Variants in BCAP31 observed in about 807,000 individuals in gnomAD.
The protein encoded by BCAP31 is B cell receptor associated protein 31.
For synonymous variants in BCAP31, 75 were observed against 80.9 expected (o/e 0.93, Z 0.39); for missense variants, 124 against 193.0 (o/e 0.64, Z 2.12).
intron 4 of BCAP31, chrX:153,705,420 C>T (rs2148372387): frequency 8.9e-6 from 1 of 112,879 alleles, no homozygotes; most frequent in East Asian, 2.8e-4. Flanking sequence ...CCTGGCAGCA[C>T]CAGGAGAGCC....
At chrX:153,724,133 C>CCCCCG (rs1227696710) in intron 1 of BCAP31, 1 of 264,661 alleles carries the variant, frequency 3.8e-6, no homozygotes, top group African/African-American at 2.9e-5. Context: ...GCTTCACCGC[C>CCCCCG]CCCCGCCCCG....
At chrX:153,723,003 A>C in intron 2 of BCAP31, 150 bp downstream of exon 2, 1 of 744,220 alleles carries the variant, frequency 1.3e-6, no homozygotes, top group South Asian at 3.0e-5. Context: ...TGGCAATAAC[A>C]AACACAACCC....
chrX:153,700,951 T>C lies in BCAP31; in HGVS notation c.727A>G (p.Lys243Glu), dbSNP rs142200858. The C allele has an allele frequency of 3.0e-5, 36 of 1,205,513 alleles. No homozygotes were observed. The highest frequency in any genetic ancestry group is 3.8e-5 in the Non-Finnish European group (34 of 893,293). Residue 243 changes from lysine to glutamate, a missense_variant, in exon 8 of 8, where the codon AAG becomes GAG. Lys to Glu is a moderately conservative substitution (Grantham distance 56). Coordinates refer to ENST00000345046, the MANE Select transcript of BCAP31 (RefSeq NM_001256447.2). ...LQAAVDGPMD[K>E]KEE ...GAAGGAGGCCCTTACTCTTCCTTCT[T>C]GTCCATGGGACCATCTACTGCAGCC...
At chrX:153,715,465 T>A in intron 4 of BCAP31, 77 bp downstream of exon 4, 3 of 1,142,915 alleles carry the variant, frequency 2.6e-6, no homozygotes, top group Non-Finnish European at 3.6e-6. Flanking sequence ...GGGGGGAGAC[T>A]GAGCCCACTG....
At chrX:153,716,625 T>G (rs1250628430) in intron 3 of BCAP31, among the ~76,000 whole-genome samples, 1 of 104,248 alleles carries the variant, frequency 9.6e-6, no homozygotes, top group African/African-American at 3.5e-5. Context: ...CTGGGCATGG[T>G]GCTGCACACC....
chrX:153,723,698 C>T lies in BCAP31; in HGVS notation c.-44-410G>A. 12 of 1,148,975 alleles carry T rather than the reference C, an allele frequency of 1.0e-5. 1 individual carries two copies. In the African/African-American group the frequency reaches 1.1e-4, roughly 10 times the overall value. The allele number at this position is 1,148,975 out of a possible 1,213,427, so 94.7% of individuals were successfully genotyped here. A position where few individuals can be genotyped will look rare whatever the true frequency, so the allele number is the denominator to read the frequency against. The stretch of plus-strand genomic sequence containing the variant: ...CCCTTCCCCGCCAGGCAGAACTCAG[C>T]CGCAGAGGCGGGCGCTCTGCGGGCC... On this transcript the variant is annotated intron_variant, in intron 1 of 7. Transcript: ENST00000345046.
intron 3 of BCAP31, 82 bp from the exon 4 acceptor site, chrX:153,715,771 G>A: frequency 1.8e-6 from 2 of 1,102,663 alleles, no homozygotes; most frequent in Non-Finnish European, 2.5e-6. Context: ...CAGGCGGCAT[G>A]AGACAGGTCA....
At chrX:153,713,737 A>T (rs1251323519) in intron 4 of BCAP31, among the ~76,000 whole-genome samples, 3 of 109,691 alleles carry the variant, frequency 2.7e-5, no homozygotes, top group African/African-American at 1.0e-4. Flanking sequence ...CCATTTTCTC[A>T]TCCTAGTGTT....
chrX:153,708,811 A>G, intron 4 of BCAP31, among the ~76,000 whole-genome samples: 1 of 112,781 alleles, frequency 8.9e-6, no homozygotes, highest in East Asian at 2.8e-4. Flanking sequence ...AGGCTGCCCC[A>G]AAGGGCTGCC....
chrX:153,709,031 T>G (rs1430620477), intron 4 of BCAP31, among the ~76,000 whole-genome samples: 1 of 111,891 alleles, frequency 8.9e-6, no homozygotes, highest in Non-Finnish European at 1.9e-5. Flanking sequence ...GGGGCAGGTG[T>G]GGGTCTGGCC....
Position 153,702,103 on chromosome X carries a change from T to C in BCAP31, c.606A>G (p.Leu202=), listed in dbSNP as rs1277220097. The change falls in exon 7 of 8, where the codon CTA becomes CTG. Residue 202 remains leucine (L), a synonymous_variant. Transcript: ENST00000345046. ...KDELASTKQK[L]EKAENQVLAM... ...CCAGAACCTGGTTTTCAGCTTTCTC[T>C]AGTTCTTGAAATGATGTAAATGACC... 1 of 1,198,990 alleles carries C rather than the reference T, an allele frequency of 8.3e-7. No homozygotes were observed. Among genetic ancestry groups the C allele is most frequent in the African/African-American group, 1.8e-5 (1 of 57,063 alleles).
intron 6 of BCAP31, chrX:153,702,508 C>A (rs1557047575): frequency 1.7e-5 from 3 of 176,882 alleles, no homozygotes; most frequent in African/African-American, 9.1e-5. Flanking sequence ...GGGGAAAACG[C>A]CCCAGACTTA....
At chrX:153,723,428 G>A (rs1557051513) in intron 1 of BCAP31, 140 bp from the exon 2 acceptor site, 8 of 1,130,241 alleles carry the variant, frequency 7.1e-6, no homozygotes, top group Non-Finnish European at 9.4e-6. Context: ...TGCGCTGGCG[G>A]AAGCAGGGCT....
intron 3 of BCAP31, among the ~76,000 whole-genome samples, chrX:153,716,738 C>T (rs1028084995): frequency 8.1e-5 from 9 of 111,419 alleles, no homozygotes; most frequent in African/African-American, 2.3e-4. Context: ...CCAGCCTGGG[C>T]GACAGAGCGA....
At chrX:153,720,153 G>A (rs1557050730) in intron 3 of BCAP31, among the ~76,000 whole-genome samples, 1 of 111,725 alleles carries the variant, frequency 9.0e-6, no homozygotes, top group African/African-American at 3.3e-5. Context: ...AGGCAATTCT[G>A]CTGTTTAAGT....
At chrX:153,709,014 G>A (rs1168696037) in intron 4 of BCAP31, among the ~76,000 whole-genome samples, 12 of 112,094 alleles carry the variant, frequency 1.1e-4, no homozygotes, top group Non-Finnish European at 1.3e-4. Flanking sequence ...ACTAAGCGCA[G>A]GGCAAAGGGG....
At position 153,704,091 on chromosome X, in the gene BCAP31, C is replaced by T. The variant is rs2091537653; in HGVS notation, c.345G>A (p.Leu115=). The part of the protein sequence containing the change: ...IAGFSLLLSF[L]LRRLVTLISQ... ...AAATGAGAGTCACCAGGCGTCTAAG[C>T]AGGCTGCAATTATTTACAAAAAGAA... Residue 115 remains leucine (L), a synonymous_variant, in exon 5 of 8, where the codon CTG becomes CTA. Coordinates refer to ENST00000345046, the MANE Select transcript of BCAP31 (RefSeq NM_001256447.2). 2.5e-6 allele frequency: 3 copies of T among 1,206,462 alleles called. No homozygotes were observed. Among genetic ancestry groups the T allele is most frequent in the African/African-American group, 1.7e-5 (1 of 57,327 alleles).
intron 3 of BCAP31, among the ~76,000 whole-genome samples, chrX:153,720,407 C>G (rs1231226045): frequency 2.8e-5 from 3 of 108,836 alleles, no homozygotes; most frequent in Non-Finnish European, 5.7e-5. Flanking sequence ...TCTTGTTGCC[C>G]AGGCTGGAGT....
chrX:153,720,777 C>A lies in BCAP31; in HGVS notation c.193+95G>T. 7.2e-6 allele frequency: 6 copies of A among 838,715 alleles called. No homozygotes were observed. The South Asian group carries it at 1.4e-4, about 20-fold the overall frequency. The allele number at this position is 838,715 out of a possible 1,213,427, so 69.1% of individuals were successfully genotyped here. A position where few individuals can be genotyped will look rare whatever the true frequency, so the allele number is the denominator to read the frequency against. ...TTTCATTGGTCTGTCTCCTAGCAGCCAAAACTGGATGCTACACATCAAAAG... is the reference window on the plus strand; with the variant it reads ...TTTCATTGGTCTGTCTCCTAGCAGCAAAAACTGGATGCTACACATCAAAAG... On this transcript the variant is annotated intron_variant, in intron 3 of 7. Transcript: ENST00000345046.
Sources: allele counts gnomAD v4.1 joint callset (sites outside exome capture counted in the v4.1 genomes callset), GRCh38; gene constraint gnomAD v4.1.1; transcripts MANE v1.5; gene names NCBI Gene and HGNC (gene_info 2026-07-23, HGNC 2026-07-21).